Variants in ITPK1 observed in about 807,000 individuals in gnomAD.
ITPK1 encodes inositol 1,3,4-trisphosphate 5/6-kinase.
Under a neutral mutation model 45.3 loss-of-function variants are expected in ITPK1, and 21 were observed. The ratio of observed to expected loss-of-function variants is 0.46; its 90% confidence interval spans 0.33 to 0.67. ITPK1 has a LOEUF of 0.67. Ranked by LOEUF, ITPK1 falls within the 30% of genes least tolerant of loss-of-function variation. The pLI is 0.02. For synonymous variants in ITPK1, 258 were observed against 253.6 expected (o/e 1.02, Z -0.16); for missense variants, 474 against 573.5 (o/e 0.83, Z 1.77).
At position 92,993,927 on chromosome 14, in the gene ITPK1, C is replaced by A; in HGVS notation, c.317G>T (p.Arg106Leu). Residue 106 changes from arginine to leucine, a missense_variant, in exon 5 of 11, where the codon CGC becomes CTC. Arg to Leu is a moderately radical substitution (Grantham distance 102, BLOSUM62 -2). Around this residue, in one of 2 missense-constraint regions of ITPK1, gnomAD observed 367 missense variants for 480.6 expected, o/e 0.76. Coordinates refer to ENST00000267615, the MANE Select transcript of ITPK1 (RefSeq NM_014216.6). The part of the protein sequence containing the change: ...PLPAIRTLLD[R>L]SKSYELIRKI... Reference sequence around the variant, plus strand: ...CCGGATGAGCTCATAGGACTTGGAGCGGTCAAGCAGGGTTCTGATGGCAGG... The same window carrying A: ...CCGGATGAGCTCATAGGACTTGGAGAGGTCAAGCAGGGTTCTGATGGCAGG... The A allele has an allele frequency of 6.2e-7, 1 of 1,613,692 alleles. No individual in the cohort carries two copies. The highest frequency in any genetic ancestry group is 8.5e-7 in the Non-Finnish European group (1 of 1,179,648).
intron 2 of ITPK1, among the ~76,000 whole-genome samples, chr14:93,103,642 T>C (rs1892409926): frequency 6.6e-6 from 1 of 152,086 alleles, no homozygotes; most frequent in Admixed American, 6.5e-5. Flanking sequence ...GTATGTGGCA[T>C]GTAAGTGCAT....
chr14:92,940,942 A>G lies in ITPK1; in HGVS notation c.*619T>C. On this transcript the variant is annotated 3_prime_UTR_variant, in exon 11 of 11. Coordinates refer to ENST00000267615, the MANE Select transcript of ITPK1 (RefSeq NM_014216.6). ...TTCCTTTCCTTCCCTTTAGTGAGGG[A>G]GCACAGCCCAGACCCCAGCGCGGAA... is the stretch of plus-strand genomic sequence containing the variant. The G allele has an allele frequency of 7.8e-7, 1 of 1,287,358 alleles. No homozygotes were observed. Among genetic ancestry groups the G allele is most frequent in the Non-Finnish European group, 1.0e-6 (1 of 988,660 alleles). The allele number at this position is 1,287,358 out of a possible 1,614,324, so 79.7% of individuals were successfully genotyped here.
chr14:92,994,203 G>C (rs917087989), intron 4 of ITPK1, among the ~76,000 whole-genome samples: 3 of 152,230 alleles, frequency 2.0e-5, no homozygotes, highest in Non-Finnish European at 2.9e-5. Context: ...CTCAGAAATA[G>C]AGCACCACAC....
At chr14:93,083,008 G>A (rs1566776225) in intron 2 of ITPK1, among the ~76,000 whole-genome samples, 2 of 152,252 alleles carry the variant, frequency 1.3e-5, no homozygotes. Flanking sequence ...GGGACCCTGT[G>A]AGTGACAGTG....
rs1326691518 is a variant in ITPK1 at position 93,016,303 on chromosome 14, T to C, written c.246+373A>G. 1.3e-5 allele frequency among the ~76,000 whole-genome samples: 2 copies of C among 152,114 alleles called. No homozygotes were observed. Among genetic ancestry groups the C allele is most frequent in the Non-Finnish European group, 2.9e-5 (2 of 68,008 alleles). On this transcript the variant is annotated intron_variant, in intron 4 of 10. Coordinates refer to ENST00000267615, the MANE Select transcript of ITPK1 (RefSeq NM_014216.6). The surrounding 1 kb of genome is among the most constrained non-coding windows in gnomAD (Gnocchi z 5.0). ...TTCAAAGGCCCTCGGGGGTCCCCTT[T>C]ACCAAGTGCAGCAGAAGGGTTCCAT...
intron 4 of ITPK1, among the ~76,000 whole-genome samples, chr14:93,006,691 G>C (rs1887632327): frequency 6.6e-6 from 1 of 152,328 alleles, no homozygotes; most frequent in Middle Eastern, 3.4e-3. Context: ...CTCTCTGGGG[G>C]GGAAACTGTT....
chr14:93,042,499 T>C (rs1326569263), intron 3 of ITPK1, among the ~76,000 whole-genome samples: 1 of 152,186 alleles, frequency 6.6e-6, no homozygotes, highest in Non-Finnish European at 1.5e-5. Flanking sequence ...TTGAGGGTGC[T>C]GATCGGATAC....
chr14:93,076,482 C>T lies in ITPK1; in HGVS notation c.120+113G>A, dbSNP rs901321647. The T allele has an allele frequency of 8.1e-6, 10 of 1,238,370 alleles. No homozygotes were observed. The highest frequency in any genetic ancestry group is 5.0e-5 in the South Asian group (4 of 80,672). The allele number at this position is 1,238,370 out of a possible 1,614,324, so 76.7% of individuals were successfully genotyped here. A position where few individuals can be genotyped will look rare whatever the true frequency, so the allele number is the denominator to read the frequency against. ...ACAGGGGAGCTAAAAACAAGCTGCA[C>T]GTGAAGAAGAGAGAAAGCCGTGCCC... On this transcript the variant is annotated intron_variant, in intron 3 of 10. Transcript: ENST00000267615. This position sits in a 1 kb window ranked among gnomAD's most constrained non-coding sequence, Gnocchi z 4.3.
At chr14:92,975,312 CT>C (rs1325697640) in intron 5 of ITPK1, among the ~76,000 whole-genome samples, 1 of 152,224 alleles carries the variant, frequency 6.6e-6, no homozygotes, top group Non-Finnish European at 1.5e-5. Context: ...GGCAGTGCCC[CT>C]GACCCAGTAC....
chr14:93,032,830 T>C lies in ITPK1; in HGVS notation c.121-16029A>G, dbSNP rs1163249388. Among the ~76,000 whole-genome samples the C allele has an allele frequency of 2.6e-5, 4 of 152,356 alleles. No homozygotes were observed. Among genetic ancestry groups the C allele is most frequent in the South Asian group, 4.1e-4 (2 of 4,828 alleles). ...CAGACTGCAGCGTACTCCACAGCTC[T>C]GAGCAGCTGCTCAGGGAATCGGGTG... On this transcript the variant is annotated intron_variant, in intron 3 of 10. Coordinates refer to ENST00000267615, the MANE Select transcript of ITPK1 (RefSeq NM_014216.6). This position sits in a 1 kb window ranked among gnomAD's most constrained non-coding sequence, Gnocchi z 4.0.
chr14:93,060,242 G>A (rs1400294704), intron 3 of ITPK1, among the ~76,000 whole-genome samples: 1 of 152,172 alleles, frequency 6.6e-6, no homozygotes, highest in African/African-American at 2.4e-5. Flanking sequence ...TGCCTCACCA[G>A]CCCCCGCTGC....
intron 3 of ITPK1, among the ~76,000 whole-genome samples, chr14:93,059,990 C>CA: frequency 6.6e-6 from 1 of 151,896 alleles, no homozygotes; most frequent in African/African-American, 2.4e-5. Context: ...TGCCGTAGAA[C>CA]GCAGCATTCA....
intron 3 of ITPK1, among the ~76,000 whole-genome samples, chr14:93,051,366 T>C (rs1162920612): frequency 6.6e-6 from 1 of 152,164 alleles, no homozygotes. Flanking sequence ...CTGTAATCCC[T>C]GCACTTTGGA....
Position 93,042,967 on chromosome 14 carries a change from A to C in ITPK1, c.121-26166T>G, listed in dbSNP as rs1889621443. Among the ~76,000 whole-genome samples the C allele has an allele frequency of 2.0e-5, 3 of 152,144 alleles. No homozygotes were observed. The South Asian group carries it at 6.2e-4, about 32-fold the overall frequency. ...CAGGAGGCGGAGGTTGTAGTGAGCC[A>C]AGATCGCACCACTGCACCCCAGCCT... is the stretch of plus-strand genomic sequence containing the variant. On this transcript the variant is annotated intron_variant, in intron 3 of 10. Transcript: ENST00000267615.
chr14:93,052,916 A>G (rs949395286), intron 3 of ITPK1, among the ~76,000 whole-genome samples: 7 of 141,070 alleles, frequency 5.0e-5, no homozygotes, highest in Non-Finnish European at 9.1e-5. Context: ...GTTTAAAACC[A>G]GTGGTTCTCC....
chr14:92,964,330 T>C (rs1184286965), intron 5 of ITPK1, among the ~76,000 whole-genome samples: 1 of 147,898 alleles, frequency 6.8e-6, no homozygotes, highest in Non-Finnish European at 1.5e-5. Context: ...GGTCATACAG[T>C]GGTCAACGGC....
chr14:92,954,578 G>A (rs912693027), intron 8 of ITPK1, among the ~76,000 whole-genome samples: 3 of 152,166 alleles, frequency 2.0e-5, no homozygotes, highest in Non-Finnish European at 4.4e-5. Context: ...AGGGAGGGAG[G>A]GCAATGAAAG....
intron 9 of ITPK1, among the ~76,000 whole-genome samples, chr14:92,948,983 C>G (rs1175481945): frequency 7.2e-6 from 1 of 139,580 alleles, no homozygotes; most frequent in South Asian, 2.2e-4. Context: ...ACACACAGGG[C>G]CCCCCTGCTC....
chr14:92,990,660 C>T (rs1024011090), intron 5 of ITPK1, among the ~76,000 whole-genome samples: 2 of 152,124 alleles, frequency 1.3e-5, no homozygotes, highest in Non-Finnish European at 2.9e-5. Context: ...ACAGGCTGCC[C>T]GGAGACAGCG....
Sources: gnomAD v4.1 joint callset for allele counts (sites outside exome capture counted in the v4.1 genomes callset) on GRCh38, gnomAD v4.1.1 for gene constraint, gnomAD v4.1.1 regional missense constraint, Gnocchi (gnomAD v3.1) non-coding constraint, MANE v1.5 for transcripts, NCBI Gene and HGNC (gene_info 2026-07-23, HGNC 2026-07-21) for gene names.